SUSD1: variants seen among roughly 807,000 people sequenced by gnomAD.
The protein encoded by SUSD1 is sushi domain containing 1, also known as sushi domain-containing protein 1.
Under a neutral mutation model 86.9 loss-of-function variants are expected in SUSD1, and 65 were observed. The ratio of observed to expected loss-of-function variants is 0.75; its 90% CI spans 0.61 to 0.92. The LOEUF is 0.92. Ranked by LOEUF, SUSD1 falls within the 40% of genes least tolerant of loss-of-function variation. The probability of loss-of-function intolerance (pLI) is 0.00; values close to 1 mark genes in which losing one functional copy is unlikely to be tolerated. For synonymous variants in SUSD1, 346 were observed against 350.0 expected (o/e 0.99, Z 0.13); for missense variants, 850 against 929.7 (o/e 0.91, Z 1.11).
chr9:112,135,676 G>C (rs1832231692), intron 5 of SUSD1, among the ~76,000 whole-genome samples: 1 of 152,164 alleles, frequency 6.6e-6, no homozygotes, highest in African/African-American at 2.4e-5. Context: ...AAGAACTTTA[G>C]ACCTTCTCAT....
intron 16 of SUSD1, 122 bp downstream of exon 16, chr9:112,041,745 G>T: frequency 1.1e-6 from 1 of 932,398 alleles, no homozygotes; most frequent in Non-Finnish European, 1.7e-6. Context: ...GTGCTCTGCT[G>T]AGCCAAGGAC....
Position 112,149,249 on chromosome 9 carries a change from C to G in SUSD1, c.368G>C (p.Cys123Ser). The change falls in exon 3 of 17, where the codon TGT becomes TCT. Residue 123 changes from cysteine to serine, a missense_variant. By Grantham distance (112) the Cys-to-Ser change is moderately radical. Coordinates refer to ENST00000374270, the MANE Select transcript of SUSD1 (RefSeq NM_022486.5). ...GCAGCCCCCTTCTTGAGTACCTGTACAAAAGGTGCCATCGTTGGGAATGAA... is the reference window on the plus strand; with the variant it reads ...GCAGCCCCCTTCTTGAGTACCTGTAGAAAAGGTGCCATCGTTGGGAATGAA... ...KTFIPNDGTF[C>S]TDIDECEVSG... The G allele has an allele frequency of 3.1e-6, 5 of 1,614,132 alleles. No homozygotes were observed. The highest frequency in any genetic ancestry group is 4.2e-6 in the Non-Finnish European group (5 of 1,180,020).
At chr9:112,082,173 T>C (rs7046832) in intron 10 of SUSD1, among the ~76,000 whole-genome samples, 1 of 152,122 alleles carries the variant, frequency 6.6e-6, no homozygotes, top group Non-Finnish European at 1.5e-5. Context: ...CAACTGCCAG[T>C]AAATCTAAGA....
intron 8 of SUSD1, among the ~76,000 whole-genome samples, chr9:112,106,745 A>G (rs1192490075): frequency 6.7e-6 from 1 of 150,214 alleles, no homozygotes; most frequent in African/African-American, 2.5e-5. Context: ...AATAAAAGGA[A>G]GTTTTAAAAA....
chr9:112,104,156 C>A (rs746510418), intron 8 of SUSD1, among the ~76,000 whole-genome samples: 3 of 151,954 alleles, frequency 2.0e-5, no homozygotes, highest in African/African-American at 4.8e-5. Context: ...GCTAGGACTA[C>A]GGGCATGCAC....
At chr9:112,052,923 T>A (rs1187028652) in intron 14 of SUSD1, among the ~76,000 whole-genome samples, 2 of 152,198 alleles carry the variant, frequency 1.3e-5, no homozygotes, top group Non-Finnish European at 2.9e-5. Context: ...AATGTGTCCA[T>A]GAACCGGGAA....
intron 1 of SUSD1, among the ~76,000 whole-genome samples, chr9:112,164,272 G>C (rs1239538794): frequency 6.6e-6 from 1 of 152,120 alleles, no homozygotes; most frequent in Non-Finnish European, 1.5e-5. Context: ...AGGTATAGGG[G>C]GAAGCACTGG....
At chr9:112,085,036 C>T (rs1177476454) in intron 10 of SUSD1, among the ~76,000 whole-genome samples, 6 of 152,176 alleles carry the variant, frequency 3.9e-5, no homozygotes, top group Admixed American at 3.3e-4. Context: ...TCTATCACCC[C>T]CGTTGAACTG....
Position 112,175,239 on chromosome 9 carries a change from G to A in SUSD1, c.-4C>T, listed in dbSNP as rs1252267587. ...CATCCCAGGGCCCCCGGCCCATGCC[G>A]CCGCCGGTCCCTCCCGGCGCGCCCG... On this transcript the variant is annotated 5_prime_UTR_variant, in exon 1 of 17. Transcript: ENST00000374270. This position sits in a 1 kb window ranked among gnomAD's most constrained non-coding sequence, Gnocchi z 4.7. The A allele has an allele frequency of 1.2e-5, 14 of 1,146,532 alleles. No homozygotes were observed. The South Asian group carries it at 2.5e-4, about 21-fold the overall frequency. 71.0% of individuals were successfully genotyped at this position (1,146,532 alleles called of 1,614,324 possible).
intron 1 of SUSD1, among the ~76,000 whole-genome samples, chr9:112,165,991 AAG>A (rs1491050786): frequency 1.3e-5 from 2 of 151,810 alleles, no homozygotes; most frequent in African/African-American, 4.8e-5. Context: ...GAAAGAAAGA[AAG>A]AAAATAATTT....
chr9:112,110,712 G>A (rs1217346206), intron 8 of SUSD1, among the ~76,000 whole-genome samples: 1 of 151,354 alleles, frequency 6.6e-6, no homozygotes, highest in Non-Finnish European at 1.5e-5. Context: ...TATTTAATTA[G>A]TCCTCATACC....
intron 13 of SUSD1, among the ~76,000 whole-genome samples, chr9:112,059,168 C>G (rs527670003): frequency 2.0e-4 from 31 of 152,322 alleles, no homozygotes; most frequent in African/African-American, 7.5e-4. Context: ...GATTTACAGT[C>G]TGATGGCTCC....
At chr9:112,059,445 A>G (rs924192095) in intron 13 of SUSD1, among the ~76,000 whole-genome samples, 1 of 152,220 alleles carries the variant, frequency 6.6e-6, no homozygotes, top group Non-Finnish European at 1.5e-5. Flanking sequence ...CTAAGTCCGG[A>G]AAAAAGGCTG....
At chr9:112,119,948 G>A (rs1425745003) in intron 6 of SUSD1, among the ~76,000 whole-genome samples, 4 of 152,148 alleles carry the variant, frequency 2.6e-5, no homozygotes, top group African/African-American at 9.7e-5. Flanking sequence ...AACTAAACAG[G>A]AAGATGAACA....
At chr9:112,148,980 A>C (rs1318525520) in intron 3 of SUSD1, among the ~76,000 whole-genome samples, 1 of 151,876 alleles carries the variant, frequency 6.6e-6, no homozygotes, top group Non-Finnish European at 1.5e-5. Context: ...ATAGACCCAC[A>C]TCCCCCCAAG....
intron 13 of SUSD1, among the ~76,000 whole-genome samples, chr9:112,060,577 G>A (rs953639399): frequency 2.0e-5 from 3 of 152,220 alleles, no homozygotes; most frequent in East Asian, 1.9e-4. Flanking sequence ...GATTACAGGC[G>A]TAAGCCACTG....
At chr9:112,144,662 C>A (rs1832730874) in intron 3 of SUSD1, among the ~76,000 whole-genome samples, 1 of 152,104 alleles carries the variant, frequency 6.6e-6, no homozygotes, top group Non-Finnish European at 1.5e-5. Context: ...GGAAAACAAT[C>A]TCCAGGAGAG....
chr9:112,138,381 C>A (rs1169907529), intron 5 of SUSD1, among the ~76,000 whole-genome samples: 3 of 146,242 alleles, frequency 2.1e-5, no homozygotes, highest in Admixed American at 1.4e-4. Context: ...TATATAGGAA[C>A]TTTTTCAAAA....
At chr9:112,072,744 G>A (rs1313993815) in intron 12 of SUSD1, among the ~76,000 whole-genome samples, 2 of 152,316 alleles carry the variant, frequency 1.3e-5, no homozygotes, top group Middle Eastern at 3.4e-3. Context: ...TACGTGGACT[G>A]TGGAAGCATG....
Sources: allele counts gnomAD v4.1 joint callset (sites outside exome capture counted in the v4.1 genomes callset), GRCh38; gene constraint gnomAD v4.1.1; non-coding constraint Gnocchi (gnomAD v3.1); transcripts MANE v1.5; gene names NCBI Gene and HGNC (gene_info 2026-07-23, HGNC 2026-07-21).